The following ECPAS variants were observed in gnomAD, a reference collection of about 807,000 sequenced individuals.
ECPAS encodes proteasome adapter and scaffold protein ECM29.
A neutral mutation model predicts 255.1 loss-of-function variants in ECPAS; 70 were observed. The observed-to-expected ratio is 0.27, with a 90% confidence interval of 0.23 to 0.33. The LOEUF (loss-of-function observed/expected upper bound fraction) is 0.33, where lower values mean the gene tolerates loss of function less well. Ranked by LOEUF, ECPAS falls within the 10% of genes least tolerant of loss-of-function variation. The pLI, the probability that ECPAS is intolerant of heterozygous loss-of-function variation, is 1.00. For synonymous variants in ECPAS, 784 were observed against 775.0 expected (o/e 1.01, Z -0.19); for missense variants, 1,817 against 2,206.4 (o/e 0.82, Z 3.54).
intron 29 of ECPAS, among the ~76,000 whole-genome samples, chr9:111,390,325 T>C (rs2098157593): frequency 6.6e-6 from 1 of 152,170 alleles, no homozygotes; most frequent in South Asian, 2.1e-4. Flanking sequence ...TGCTGATAAA[T>C]GACCTAAATG....
chr9:111,407,403 G>GTAAAA (rs1463667838), intron 24 of ECPAS, among the ~76,000 whole-genome samples: 1 of 12,072 alleles, frequency 8.3e-5, no homozygotes, highest in South Asian at 3.6e-3. Flanking sequence ...CTCCATCTCA[G>GTAAAA]AAAAAAAAAA....
At chr9:111,411,780 T>A in intron 21 of ECPAS, 1 of 385,020 alleles carries the variant, frequency 2.6e-6, no homozygotes, top group Non-Finnish European at 4.6e-6. Flanking sequence ...CTCATGTATT[T>A]ATGAATCACT....
intron 2 of ECPAS, among the ~76,000 whole-genome samples, chr9:111,472,162 C>T (rs1200031268): frequency 2.0e-5 from 3 of 151,972 alleles, no homozygotes; most frequent in East Asian, 1.9e-4. Context: ...GTGGGAGGAT[C>T]GCCTGAGCCC....
chr9:111,422,331 G>A (rs916505538), intron 13 of ECPAS, 131 bp from the exon 14 acceptor site: 5 of 858,484 alleles, frequency 5.8e-6, no homozygotes, highest in Non-Finnish European at 9.0e-6. Context: ...CGCTCTGAGA[G>A]CCAAAAATTT....
At chr9:111,479,444 T>A (rs1196359098) in intron 1 of ECPAS, among the ~76,000 whole-genome samples, 1 of 150,108 alleles carries the variant, frequency 6.7e-6, no homozygotes, top group Non-Finnish European at 1.5e-5. Flanking sequence ...AAAAAAAAAA[T>A]TAGCCGGGCA....
chr9:111,436,825 A>G, intron 7 of ECPAS, 115 bp downstream of exon 7: 2 of 913,926 alleles, frequency 2.2e-6, no homozygotes, highest in Non-Finnish European at 3.2e-6. Flanking sequence ...CTTCTTTCAA[A>G]CATATTTCAC....
In ECPAS at chr9:111,447,258, G is replaced by A. The variant is rs151216876; in HGVS notation, c.154-2764C>T. 5.9e-5 allele frequency among the ~76,000 whole-genome samples: 9 copies of A among 152,042 alleles called. No individual in the cohort carries two copies. The East Asian group carries it at 9.7e-4, about 16-fold the overall frequency. ...TCCTATCTCAGTCACTGCAGTAGCTGGGACTATAAGCACATGCTACCATGC... is the reference window on the plus strand; with the variant it reads ...TCCTATCTCAGTCACTGCAGTAGCTAGGACTATAAGCACATGCTACCATGC... On this transcript the variant is annotated intron_variant, in intron 3 of 49. Coordinates refer to ENST00000684092, the MANE Select transcript of ECPAS (RefSeq NM_001364929.1).
intron 2 of ECPAS, among the ~76,000 whole-genome samples, chr9:111,460,989 T>C (rs1218796655): frequency 6.6e-6 from 1 of 151,506 alleles, no homozygotes; most frequent in African/African-American, 2.4e-5. Context: ...CACAGGAAGA[T>C]ACTAACTATC....
At chr9:111,415,760 A>C (rs1483854838) in intron 18 of ECPAS, among the ~76,000 whole-genome samples, 1 of 152,058 alleles carries the variant, frequency 6.6e-6, no homozygotes, top group Non-Finnish European at 1.5e-5. Flanking sequence ...CAGGCTGCCA[A>C]GGAGTCCATC....
intron 24 of ECPAS, among the ~76,000 whole-genome samples, chr9:111,403,066 A>G (rs2131672145): frequency 6.6e-6 from 1 of 152,024 alleles, no homozygotes; most frequent in Non-Finnish European, 1.5e-5. Flanking sequence ...CAAGAAATTC[A>G]CTTTGGCTGG....
Position 111,484,266 on chromosome 9 carries a change from C to G in ECPAS, c.-233G>C. ...GCCGAGCGGGCCCGGGCTGCCCTAG[C>G]GGCCGGGGGAAATCCTCGAGGCGGG... On this transcript the variant is annotated 5_prime_UTR_variant, in exon 1 of 50. Coordinates refer to ENST00000684092, the MANE Select transcript of ECPAS (RefSeq NM_001364929.1). 5.3e-6 allele frequency: 8 copies of G among 1,506,650 alleles called. No homozygotes were observed. Among genetic ancestry groups the G allele is most frequent in the Non-Finnish European group, 7.1e-6 (8 of 1,131,960 alleles). The allele number at this position is 1,506,650 out of a possible 1,614,324, so 93.3% of individuals were successfully genotyped here.
chr9:111,436,748 T>C (rs1043470669), intron 7 of ECPAS, among the ~76,000 whole-genome samples, 192 bp downstream of exon 7: 1 of 152,230 alleles, frequency 6.6e-6, no homozygotes, highest in African/African-American at 2.4e-5. Flanking sequence ...AAACAGTATG[T>C]CCCACTCCTC....
intron 6 of ECPAS, among the ~76,000 whole-genome samples, chr9:111,438,598 TCAAA>T (rs1432534657): frequency 6.6e-6 from 1 of 152,118 alleles, no homozygotes; most frequent in Admixed American, 6.5e-5. Flanking sequence ...AGACCCTATC[TCAAA>T]CAAACATCAT....
chr9:111,440,046 T>A (rs189632296), intron 6 of ECPAS, among the ~76,000 whole-genome samples: 1 of 150,854 alleles, frequency 6.6e-6, no homozygotes, highest in African/African-American at 2.4e-5. Context: ...TTTTTTTTTT[T>A]GAGAGAGAGT....
intron 6 of ECPAS, among the ~76,000 whole-genome samples, chr9:111,437,907 T>C (rs918824046): frequency 6.6e-6 from 1 of 152,176 alleles, no homozygotes; most frequent in Admixed American, 6.5e-5. Context: ...TAAAGATCTA[T>C]GATGATAAAT....
chr9:111,429,785 C>A (rs1196470449), intron 9 of ECPAS, among the ~76,000 whole-genome samples: 2 of 152,208 alleles, frequency 1.3e-5, no homozygotes, highest in South Asian at 4.1e-4. Context: ...AGGAGCACAG[C>A]TTAAGCCCAG....
intron 1 of ECPAS, among the ~76,000 whole-genome samples, chr9:111,474,009 T>C (rs577392727): frequency 4.6e-5 from 7 of 152,264 alleles, no homozygotes; most frequent in African/African-American, 9.6e-5. Flanking sequence ...TAAGTTTTAT[T>C]ATCTCATTTT....
chr9:111,459,764 T>A lies in ECPAS; in HGVS notation c.23-8209A>T, dbSNP rs115514526. On this transcript the variant is annotated intron_variant, in intron 2 of 49. Transcript: ENST00000684092. ...CAACTCACAATTATAAATTCTGCTT[T>A]AAAAAACTGGTTCATTCTAAATTAC... is the stretch of plus-strand genomic sequence containing the variant. Among the ~76,000 whole-genome samples the A allele has an allele frequency of 2.3e-3, 351 of 152,306 alleles. 4 individuals carry two copies. Among genetic ancestry groups the A allele is most frequent in the African/African-American group, 8.3e-3 (344 of 41,568 alleles).
intron 13 of ECPAS, 137 bp from the exon 14 acceptor site, chr9:111,422,337 A>T: frequency 1.3e-6 from 1 of 775,308 alleles, no homozygotes; most frequent in Non-Finnish European, 2.1e-6. Flanking sequence ...GAGAGCCAAA[A>T]ATTTTTCCAA....
Sources: allele counts gnomAD v4.1 joint callset (sites outside exome capture counted in the v4.1 genomes callset), GRCh38; gene constraint gnomAD v4.1.1; transcripts MANE v1.5; gene names NCBI Gene and HGNC (gene_info 2026-07-23, HGNC 2026-07-21).